Variants in CFAP92 observed in about 807,000 individuals in gnomAD.
CFAP92 encodes cilia and flagella associated protein 92 (putative), also known as uncharacterized protein CFAP92.
In CFAP92, 86 loss-of-function variants were observed where a neutral mutation model predicts 106.3. That is an observed-to-expected ratio of 0.81 (90% CI 0.68 to 0.97). The LOEUF is 0.97. CFAP92 is among the 50% of genes least tolerant of loss of function. CFAP92 has a pLI of 0.00. For missense variants in CFAP92, 1,204 were observed against 1,283.8 expected, an observed-to-expected ratio of 0.94 and a Z score of 0.95; for synonymous variants, 477 against 506.4, an observed-to-expected ratio of 0.94 and a Z score of 0.78.
intron 1 of CFAP92, chr3:129,002,405 A>T: frequency 6.9e-7 from 1 of 1,452,024 alleles, no homozygotes. Flanking sequence ...GGAGCCCGAC[A>T]GGACAGAGTC....
intron 9 of CFAP92, among the ~76,000 whole-genome samples, chr3:128,960,635 T>C (rs1941825625): frequency 6.6e-6 from 1 of 152,252 alleles, no homozygotes; most frequent in Non-Finnish European, 1.5e-5. Context: ...TCTCTGATTA[T>C]ACACCCACGT....
chr3:128,957,276 T>A (rs925619457), intron 9 of CFAP92, among the ~76,000 whole-genome samples: 3 of 152,204 alleles, frequency 2.0e-5, no homozygotes, highest in Non-Finnish European at 4.4e-5. Flanking sequence ...TTATGTGTTA[T>A]GTTTGACAGT....
At chr3:129,006,649 G>A (rs955814013), upstream of CFAP92, among the ~76,000 whole-genome samples, 2 of 152,142 alleles carry the variant, frequency 1.3e-5, no homozygotes, top group African/African-American at 4.8e-5. Flanking sequence ...GAAGAAGTAG[G>A]AGCAGCTATT....
chr3:128,931,130 C>G (rs538762088), intron 12 of CFAP92, among the ~76,000 whole-genome samples: 30 of 152,176 alleles, frequency 2.0e-4, no homozygotes, highest in African/African-American at 6.5e-4. Flanking sequence ...GTTTCGAACT[C>G]CTGGCCTCAA....
At position 128,976,371 on chromosome 3, in the gene CFAP92, G is replaced by T. The variant is rs1049405662; in HGVS notation, c.897-468C>A. The stretch of plus-strand genomic sequence containing the variant: ...AAGGATATATACCATGATCATGGAT[G>T]AGACACCTTAACAATGTAAAAATGT... On this transcript the variant is annotated intron_variant, in intron 6 of 15. Coordinates refer to ENST00000645291, the MANE Select transcript of CFAP92 (RefSeq NM_001394090.1). Among the ~76,000 whole-genome samples, 11 of 152,294 alleles carry T rather than the reference G, an allele frequency of 7.2e-5. No homozygotes were observed. The South Asian group carries it at 1.0e-3, about 14-fold the overall frequency.
chr3:128,912,341 TCCCTGCAG>T (rs1242723044), intron 15 of CFAP92, among the ~76,000 whole-genome samples: 1 of 152,094 alleles, frequency 6.6e-6, no homozygotes. Context: ...CCCCTTTCTC[TCCCTGCAG>T]CCCTGAATCA....
chr3:128,915,020 T>C (rs1936688759), intron 15 of CFAP92, 99 bp downstream of exon 15: 1 of 1,231,900 alleles, frequency 8.1e-7, no homozygotes, highest in Non-Finnish European at 1.1e-6. Context: ...TGGTTGATAG[T>C]GTAAACAAAA....
chr3:128,991,715 G>T, intron 2 of CFAP92: 1 of 992,470 alleles, frequency 1.0e-6, no homozygotes, highest in Non-Finnish European at 1.2e-6. Context: ...CATTGAAACA[G>T]CATGTTGCTC....
chr3:128,973,387 T>C (rs990652601), intron 7 of CFAP92, among the ~76,000 whole-genome samples: 4 of 151,988 alleles, frequency 2.6e-5, no homozygotes, highest in Non-Finnish European at 5.9e-5. Flanking sequence ...CCGGGCCCGG[T>C]GGCTCACACC....
the CFAP92 span, among the ~76,000 whole-genome samples, chr3:129,016,590 T>C: frequency 1.3e-5 from 2 of 151,912 alleles, no homozygotes; most frequent in Admixed American, 6.5e-5. Context: ...CAGACTCATT[T>C]AGCCAGCCCC....
At chr3:128,922,183 CA>C (rs372929834) in intron 12 of CFAP92, among the ~76,000 whole-genome samples, 7,955 of 148,394 alleles carry the variant, frequency 0.054, 441 homozygotes, top group African/African-American at 0.14. Context: ...ACTAAAAATA[CA>C]AAAAAAAAAT....
the CFAP92 span, among the ~76,000 whole-genome samples, chr3:129,017,419 C>T: frequency 9.8e-5 from 15 of 152,324 alleles, no homozygotes; most frequent in South Asian, 1.2e-3. Context: ...GAAGTCCAGG[C>T]GGGCGTGGCG....
In CFAP92 at chr3:128,912,801, A is replaced by G. The variant is rs369326682; in HGVS notation, c.3280+2318T>C. 1.1e-3 allele frequency: 811 copies of G among 730,146 alleles called. 10 individuals carry two copies. Among genetic ancestry groups the G allele is most frequent in the Non-Finnish European group, 2.7e-4 (106 of 396,436 alleles). 45.2% of individuals were successfully genotyped at this position (730,146 alleles called of 1,614,324 possible). On this transcript the variant is annotated intron_variant, in intron 15 of 15. Transcript: ENST00000645291. ...TGACCTGCAGGCAGTGCTCTCTAAC[A>G]GGACCATCACAGCTTCTGAACTGAG...
intron 9 of CFAP92, among the ~76,000 whole-genome samples, chr3:128,962,282 C>T (rs926178740): frequency 2.0e-5 from 3 of 152,170 alleles, no homozygotes; most frequent in Non-Finnish European, 4.4e-5. Context: ...AATACGGAGG[C>T]TACCCACTCC....
the CFAP92 span, among the ~76,000 whole-genome samples, chr3:129,012,930 G>A: frequency 1.3e-5 from 2 of 152,102 alleles, no homozygotes; most frequent in Admixed American, 6.5e-5. Flanking sequence ...AGGGCCTGGC[G>A]CATGGATGGT....
Position 128,971,404 on chromosome 3 carries a change from T to C in CFAP92, c.1051A>G (p.Lys351Glu). 6.2e-7 allele frequency: 1 copy of C among 1,611,872 alleles called. No individual in the cohort carries two copies. Among genetic ancestry groups the C allele is most frequent in the South Asian group, 1.1e-5 (1 of 90,740 alleles). ...IKGKDSEGRR[K>E]IQRRHKKPLA... is the part of the protein sequence containing the mutation. ...GGCTTCTTATGTCTCCTCTGGATTT[T>C]CCTTCTTCCCTCTGAATCTTTCCCT... The change falls in exon 8 of 16, where the codon AAA becomes GAA. Residue 351 changes from lysine (K) to glutamate (E), a missense_variant. By Grantham distance (56) the Lys-to-Glu change is moderately conservative (BLOSUM62 1). Coordinates refer to ENST00000645291, the MANE Select transcript of CFAP92 (RefSeq NM_001394090.1).
At chr3:128,983,911 AG>A (rs1160120918) in intron 4 of CFAP92, among the ~76,000 whole-genome samples, 1 of 152,244 alleles carries the variant, frequency 6.6e-6, no homozygotes, top group Non-Finnish European at 1.5e-5. Flanking sequence ...CTGCAGAGCA[AG>A]GCAGCACCAG....
chr3:128,958,097 T>C (rs1421517887), intron 9 of CFAP92, among the ~76,000 whole-genome samples: 1 of 152,196 alleles, frequency 6.6e-6, no homozygotes, highest in Non-Finnish European at 1.5e-5. Context: ...TTCATAAGGA[T>C]ACCCTAATGA....
chr3:128,975,127 AT>A (rs1193648547), intron 7 of CFAP92, among the ~76,000 whole-genome samples: 1 of 142,764 alleles, frequency 7.0e-6, no homozygotes, highest in Non-Finnish European at 1.5e-5. Context: ...CTCAAAAAAA[AT>A]AAAATAAAAT....
Sources: gnomAD v4.1 joint callset for allele counts (sites outside exome capture counted in the v4.1 genomes callset) on GRCh38, gnomAD v4.1.1 for gene constraint, MANE v1.5 for transcripts, NCBI Gene and HGNC (gene_info 2026-07-23, HGNC 2026-07-21) for gene names.